The following USP47 variants were observed in gnomAD, a reference collection of about 807,000 sequenced individuals.
USP47 encodes ubiquitin specific peptidase 47.
In USP47, 35 loss-of-function variants were observed where a neutral mutation model predicts 165.1. The observed-to-expected ratio is 0.21, with a 90% CI of 0.16 to 0.28. USP47 has a LOEUF of 0.28. Ranked by LOEUF, USP47 falls within the 10% of genes least tolerant of loss-of-function variation. The pLI, the probability that USP47 is intolerant of heterozygous loss-of-function variation, is 1.00. For synonymous variants in USP47, 531 were observed against 544.5 expected (o/e 0.98, Z 0.35); for missense variants, 1,277 against 1,607.4 (o/e 0.79, Z 3.52).
chr11:11,913,592 T>C (rs926828794), intron 8 of USP47, among the ~76,000 whole-genome samples: 2 of 151,976 alleles, frequency 1.3e-5, no homozygotes, highest in East Asian at 1.9e-4. Flanking sequence ...AGTAGAATGG[T>C]AGTTACCAGA....
intron 16 of USP47, among the ~76,000 whole-genome samples, chr11:11,935,505 CAATCTTATATGCCAAA>C (rs1473712601): frequency 6.6e-6 from 1 of 151,598 alleles, no homozygotes; most frequent in East Asian, 1.9e-4. Context: ...AGAAATAAGT[CAATCTTATATGCCAAA>C]AATAGAGCTT....
At chr11:11,914,068 G>C (rs1306489913) in intron 8 of USP47, among the ~76,000 whole-genome samples, 1 of 151,970 alleles carries the variant, frequency 6.6e-6, no homozygotes, top group Non-Finnish European at 1.5e-5. Flanking sequence ...TAAGAAACTA[G>C]AATAGCTAAG....
Position 11,942,502 on chromosome 11 carries a change from C to T in USP47, c.2481C>T (p.Gly827=), listed in dbSNP as rs199865903. The T allele has an allele frequency of 5.6e-6, 9 of 1,613,398 alleles. No individual in the cohort carries two copies. In the East Asian group the frequency reaches 6.7e-5, roughly 12 times the overall value. The change falls in exon 20 of 28, where the codon GGC becomes GGT. Residue 827 remains glycine, a synonymous_variant. Transcript: ENST00000527733. ...GGACAGCATACCAGAAAGCTGGAGG[C>T]GATTCTGGTAATGTGGATGATGACT... ...SKRTAYQKAG[G]DSGNVDDDCE... is the part of the protein sequence containing the mutation.
chr11:11,864,198 G>A (rs1849541592), intron 1 of USP47, among the ~76,000 whole-genome samples: 1 of 151,840 alleles, frequency 6.6e-6, no homozygotes, highest in South Asian at 2.1e-4. Flanking sequence ...CAAGAAAAAT[G>A]TAGGAATTTA....
At chr11:11,944,907 G>C (rs979820240) in intron 20 of USP47, among the ~76,000 whole-genome samples, 1 of 152,178 alleles carries the variant, frequency 6.6e-6, no homozygotes, top group African/African-American at 2.4e-5. Context: ...TCAACCGTAG[G>C]AAAAATTTGA....
At chr11:11,908,489 G>T (rs1346147271) in intron 8 of USP47, among the ~76,000 whole-genome samples, 1 of 151,738 alleles carries the variant, frequency 6.6e-6, no homozygotes, top group African/African-American at 2.4e-5. Context: ...TTCTGGAGTT[G>T]TTTTATCTTT....
chr11:11,905,038 TTAATG>T (rs1852463949), intron 7 of USP47, among the ~76,000 whole-genome samples: 1 of 152,012 alleles, frequency 6.6e-6, no homozygotes, highest in Non-Finnish European at 1.5e-5. Context: ...TACTCTCATC[TTAATG>T]TAAAGATAAT....
chr11:11,877,756 A>G (rs1056893605), intron 1 of USP47, among the ~76,000 whole-genome samples: 26 of 149,252 alleles, frequency 1.7e-4, no homozygotes, highest in African/African-American at 6.1e-4. Context: ...TGTAGCATGC[A>G]TGCATAGCCT....
intron 8 of USP47, among the ~76,000 whole-genome samples, chr11:11,919,814 C>T (rs1013698508): frequency 6.6e-6 from 1 of 151,750 alleles, no homozygotes; most frequent in Non-Finnish European, 1.5e-5. Flanking sequence ...AACTGCTTTT[C>T]TTAGAAGTGT....
At chr11:11,896,085 C>T (rs1426393197) in intron 4 of USP47, among the ~76,000 whole-genome samples, 1 of 152,132 alleles carries the variant, frequency 6.6e-6, no homozygotes, top group Non-Finnish European at 1.5e-5. Context: ...GAAAATAGTA[C>T]ATTTATGTGA....
chr11:11,868,466 A>G (rs1171250385), intron 1 of USP47, among the ~76,000 whole-genome samples: 2 of 152,192 alleles, frequency 1.3e-5, no homozygotes, highest in Non-Finnish European at 2.9e-5. Flanking sequence ...TACATGTATC[A>G]ATAGTTGGTT....
chr11:11,917,379 C>T (rs1018213917), intron 8 of USP47, among the ~76,000 whole-genome samples: 3 of 152,042 alleles, frequency 2.0e-5, no homozygotes, highest in Non-Finnish European at 4.4e-5. Context: ...TGAGCTTAAC[C>T]CAACCAAGAG....
At chr11:11,859,165 G>T (rs1430100671) in intron 1 of USP47, among the ~76,000 whole-genome samples, 4 of 152,010 alleles carry the variant, frequency 2.6e-5, no homozygotes, top group Non-Finnish European at 5.9e-5. Context: ...TTTTTATTAA[G>T]CTTAATCCAG....
intron 1 of USP47, among the ~76,000 whole-genome samples, chr11:11,872,776 C>G (rs1264846647): frequency 6.6e-6 from 1 of 152,112 alleles, no homozygotes; most frequent in Non-Finnish European, 1.5e-5. Flanking sequence ...ATACTTTGAT[C>G]TAGTAATTCT....
intron 8 of USP47, among the ~76,000 whole-genome samples, chr11:11,908,213 T>C (rs781602075): frequency 4.6e-5 from 7 of 152,232 alleles, no homozygotes; most frequent in Admixed American, 6.5e-5. Context: ...CACAATATTA[T>C]GGGTTTAATT....
chr11:11,918,859 A>G (rs1853617010), intron 8 of USP47, among the ~76,000 whole-genome samples: 1 of 151,956 alleles, frequency 6.6e-6, no homozygotes, highest in Non-Finnish European at 1.5e-5. Context: ...AAAGCCTGAC[A>G]TTTAGTATCA....
chr11:11,883,134 A>G (rs1164949843), intron 2 of USP47, among the ~76,000 whole-genome samples: 1 of 152,158 alleles, frequency 6.6e-6, no homozygotes, highest in Non-Finnish European at 1.5e-5. Context: ...TGATCTGATC[A>G]TGTCCCACCA....
At chr11:11,907,926 T>C (rs1240375254) in intron 8 of USP47, among the ~76,000 whole-genome samples, 4 of 151,992 alleles carry the variant, frequency 2.6e-5, no homozygotes, top group African/African-American at 9.7e-5. Context: ...TGAAACCTCG[T>C]CTCTACTAAA....
At chr11:11,935,948 T>G (rs1346851638) in intron 16 of USP47, among the ~76,000 whole-genome samples, 1 of 151,944 alleles carries the variant, frequency 6.6e-6, no homozygotes, top group Non-Finnish European at 1.5e-5. Flanking sequence ...TAGTTGGCTG[T>G]TTGGTTGTTT....
Sources: allele counts gnomAD v4.1 joint callset (sites outside exome capture counted in the v4.1 genomes callset), GRCh38; gene constraint gnomAD v4.1.1; transcripts MANE v1.5; gene names NCBI Gene and HGNC (gene_info 2026-07-23, HGNC 2026-07-21).